Variants in CDH4 observed in about 807,000 individuals in gnomAD.
The protein encoded by CDH4 is cadherin-4.
CDH4 carries 33 observed loss-of-function variants against 86.0 expected under a neutral mutation model. The observed-to-expected ratio is 0.38, with a 90% CI of 0.29 to 0.51. CDH4 has a LOEUF of 0.51. Ranked by LOEUF, CDH4 falls within the 20% of genes least tolerant of loss-of-function variation. The probability of loss-of-function intolerance (pLI) is 0.86; values close to 1 mark genes in which losing one functional copy is unlikely to be tolerated. For synonymous variants in CDH4, 555 were observed against 549.4 expected (o/e 1.01, Z -0.14); for missense variants, 1,114 against 1,307.4 (o/e 0.85, Z 2.28).
At chr20:61,423,426 C>A (rs538151365) in intron 2 of CDH4, among the ~76,000 whole-genome samples, 119 of 152,314 alleles carry the variant, frequency 7.8e-4, no homozygotes, top group Non-Finnish European at 1.4e-3. Flanking sequence ...CAAGACATGT[C>A]TTTCATCCTA....
intron 3 of CDH4, among the ~76,000 whole-genome samples, chr20:61,750,620 A>G (rs2088480872): frequency 6.6e-6 from 1 of 152,246 alleles, no homozygotes; most frequent in African/African-American, 2.4e-5. Flanking sequence ...CCAAATCCTT[A>G]TAGGGAGGAT....
chr20:61,666,701 C>G (rs1343414684), intron 2 of CDH4, among the ~76,000 whole-genome samples: 1 of 152,212 alleles, frequency 6.6e-6, no homozygotes, highest in Admixed American at 6.5e-5. Flanking sequence ...AGAACCCCCT[C>G]CGCCCCAGAT....
chr20:61,347,365 A>T (rs1213890700), intron 2 of CDH4, among the ~76,000 whole-genome samples: 1 of 152,264 alleles, frequency 6.6e-6, no homozygotes, highest in Non-Finnish European at 1.5e-5. Flanking sequence ...GTCTTAGATG[A>T]TTCCAAATGT....
At chr20:61,637,178 A>G (rs1246557992) in intron 2 of CDH4, among the ~76,000 whole-genome samples, 2 of 152,184 alleles carry the variant, frequency 1.3e-5, no homozygotes, top group African/African-American at 4.8e-5. Flanking sequence ...AGTTGTAAGG[A>G]TAGCACAGGG....
At chr20:61,529,900 C>G (rs1363164035) in intron 2 of CDH4, among the ~76,000 whole-genome samples, 1 of 152,146 alleles carries the variant, frequency 6.6e-6, no homozygotes, top group African/African-American at 2.4e-5. Context: ...TGCAGTGCCA[C>G]AATCTTGACT....
At chr20:61,330,094 G>A (rs957781557) in intron 2 of CDH4, among the ~76,000 whole-genome samples, 2 of 152,204 alleles carry the variant, frequency 1.3e-5, no homozygotes, top group Admixed American at 6.5e-5. Flanking sequence ...TCATTGATGG[G>A]CATTTCTGTT....
At chr20:61,441,178 A>C (rs930497992) in intron 2 of CDH4, among the ~76,000 whole-genome samples, 1 of 152,138 alleles carries the variant, frequency 6.6e-6, no homozygotes, top group Non-Finnish European at 1.5e-5. Flanking sequence ...AGCGTCCAAC[A>C]CCGGCCCTGC....
At chr20:61,470,207 C>T (rs2085494731) in intron 2 of CDH4, among the ~76,000 whole-genome samples, 1 of 151,948 alleles carries the variant, frequency 6.6e-6, no homozygotes, top group Non-Finnish European at 1.5e-5. Flanking sequence ...AACATCTTTT[C>T]TTTTTTGTGG....
chr20:61,845,520 C>T (rs954378210), intron 5 of CDH4, among the ~76,000 whole-genome samples: 48 of 152,202 alleles, frequency 3.2e-4, no homozygotes, highest in African/African-American at 1.1e-3. Flanking sequence ...CCTCAGGGTC[C>T]AGAGCTGTCC....
At chr20:61,601,055 A>G (rs551189699) in intron 2 of CDH4, among the ~76,000 whole-genome samples, 2 of 152,248 alleles carry the variant, frequency 1.3e-5, no homozygotes, top group South Asian at 2.1e-4. Flanking sequence ...GACATACCTG[A>G]GGCTGAGTGA....
intron 2 of CDH4, among the ~76,000 whole-genome samples, chr20:61,641,489 C>A (rs1003473628): frequency 4.6e-5 from 7 of 152,232 alleles, no homozygotes; most frequent in Non-Finnish European, 1.0e-4. Context: ...ACTTTGCCAC[C>A]TCAGTTCATT....
intron 2 of CDH4, among the ~76,000 whole-genome samples, chr20:61,552,268 C>G (rs2086137567): frequency 6.6e-6 from 1 of 152,184 alleles, no homozygotes; most frequent in Non-Finnish European, 1.5e-5. Context: ...ACTCTTACAA[C>G]TTAATAAAAA....
chr20:61,841,096 G>A (rs1415987115), intron 4 of CDH4, among the ~76,000 whole-genome samples: 2 of 152,162 alleles, frequency 1.3e-5, no homozygotes, highest in Non-Finnish European at 2.9e-5. Context: ...TGCAGACCCC[G>A]TCCCTGGCGC....
intron 2 of CDH4, among the ~76,000 whole-genome samples, chr20:61,727,372 GC>G (rs1339790661): frequency 6.0e-5 from 9 of 149,808 alleles, no homozygotes; most frequent in African/African-American, 2.0e-4. Flanking sequence ...CATCATCAGT[GC>G]CATCACTATC....
chr20:61,362,087 C>T (rs774954242), intron 2 of CDH4, among the ~76,000 whole-genome samples: 3 of 152,192 alleles, frequency 2.0e-5, no homozygotes, highest in Non-Finnish European at 4.4e-5. Context: ...CCAGCATGGT[C>T]GGTGAAGACC....
At chr20:61,746,024 C>T (rs757183334) in intron 3 of CDH4, among the ~76,000 whole-genome samples, 5 of 152,296 alleles carry the variant, frequency 3.3e-5, no homozygotes, top group Admixed American at 6.5e-5. Context: ...ACCCAACCAG[C>T]GGAGCAGGGG....
At chr20:61,713,988 C>A (rs2087921709) in intron 2 of CDH4, among the ~76,000 whole-genome samples, 1 of 151,612 alleles carries the variant, frequency 6.6e-6, no homozygotes, top group Non-Finnish European at 1.5e-5. Context: ...GGAAACATCA[C>A]TGGAAACCTG....
At chr20:61,689,298 A>C (rs6061743) in intron 2 of CDH4, among the ~76,000 whole-genome samples, 1,507 of 1,736 alleles carry the variant, frequency 0.87, 740 homozygotes, top group Middle Eastern at 1. Flanking sequence ...TGGATTCCGG[A>C]GGGGACAGTG....
intron 3 of CDH4, among the ~76,000 whole-genome samples, chr20:61,745,803 G>A (rs2088406923): frequency 6.6e-6 from 1 of 152,196 alleles, no homozygotes; most frequent in Non-Finnish European, 1.5e-5. Flanking sequence ...CCCCGATTGT[G>A]AGCCGAGAGC....
Sources: gnomAD v4.1 joint callset for allele counts (sites outside exome capture counted in the v4.1 genomes callset) on GRCh38, gnomAD v4.1.1 for gene constraint, MANE v1.5 for transcripts, NCBI Gene and HGNC (gene_info 2026-07-23, HGNC 2026-07-21) for gene names.